The following BCAT2 variants were observed in gnomAD, a reference collection of about 807,000 sequenced individuals.
The protein encoded by BCAT2 is branched chain amino acid transaminase 2.
BCAT2 carries 44 observed loss-of-function variants against 52.9 expected under a neutral mutation model. That is an observed-to-expected ratio of 0.83 (90% CI 0.65 to 1.07). BCAT2 has a LOEUF of 1.07. BCAT2 is among the 50% of genes least tolerant of loss of function. The pLI is 0.00. For missense variants in BCAT2, 478 were observed against 521.8 expected, an observed-to-expected ratio of 0.92 and a Z score of 0.82; for synonymous variants, 215 against 217.1, an observed-to-expected ratio of 0.99 and a Z score of 0.08.
Position 48,807,869 on chromosome 19 carries a change from C to T in BCAT2, c.25-795G>A, listed in dbSNP as rs1370961076. On this transcript the variant is annotated intron_variant, in intron 1 of 10. Coordinates refer to ENST00000316273, the MANE Select transcript of BCAT2 (RefSeq NM_001190.4). The surrounding 1 kb of genome is among the most constrained non-coding windows in gnomAD (Gnocchi z 4.6). ...CAGTCCTCACTGCATGAGGCTCAGG[C>T]GGGTCCTCCCAGAGGGGAGTAGGAA... 1.6e-5 allele frequency: 16 copies of T among 985,640 alleles called. No individual in the cohort carries two copies. Among genetic ancestry groups the T allele is most frequent in the Non-Finnish European group, 1.8e-5 (15 of 830,038 alleles). The allele number at this position is 985,640 out of a possible 1,614,324, so 61.1% of individuals were successfully genotyped here.
intron 1 of BCAT2, chr19:48,810,711 T>A: frequency 1.6e-3 from 863 of 536,580 alleles, no homozygotes; most frequent in Middle Eastern, 2.3e-3. Context: ...GCCTCCCTCA[T>A]TACAGGGTCC....
intron 9 of BCAT2, 35 bp downstream of exon 9, chr19:48,796,543 C>T: frequency 6.2e-7 from 1 of 1,610,364 alleles, no homozygotes; most frequent in Non-Finnish European, 8.5e-7. Context: ...CCCTCCCCTC[C>T]TTCCCTCCCA....
chr19:48,797,361 G>A (rs1388749942), intron 6 of BCAT2, 28 bp from the exon 7 acceptor site: 1 of 1,612,884 alleles, frequency 6.2e-7, no homozygotes, highest in Non-Finnish European at 8.5e-7. Flanking sequence ...GGTTGGGTGG[G>A]GCAAGGGAGC....
At chr19:48,808,468 A>G (rs1216603140) in intron 1 of BCAT2, among the ~76,000 whole-genome samples, 1 of 152,070 alleles carries the variant, frequency 6.6e-6, no homozygotes, top group East Asian at 1.9e-4. Context: ...ATCTAATCAT[A>G]GAAAGAGGCC....
intron 3 of BCAT2, among the ~76,000 whole-genome samples, chr19:48,800,781 C>T (rs958096575): frequency 2.0e-5 from 3 of 152,044 alleles, no homozygotes; most frequent in Admixed American, 2.0e-4. Context: ...TGCACTCCAG[C>T]CTGGGACCTA....
In BCAT2 at chr19:48,807,335, CAGAGA is replaced by C; in HGVS notation, c.25-266_25-262del. 1 of 403,372 alleles carries C rather than the reference CAGAGA, an allele frequency of 2.5e-6. No individual in the cohort carries two copies. Among genetic ancestry groups the C allele is most frequent in the Non-Finnish European group, 4.5e-6 (1 of 221,458 alleles). 25.0% of individuals were successfully genotyped at this position (403,372 alleles called of 1,614,324 possible). On this transcript the variant is annotated intron_variant, in intron 1 of 10. Transcript: ENST00000316273. This position sits in a 1 kb window ranked among gnomAD's most constrained non-coding sequence, Gnocchi z 4.6. ...AGTCAAACGCAAGCGCCTCCCACCCCAGAGACCTTTGGTCGCAGCCTGGAGATCAG... is the reference window on the plus strand; with the variant it reads ...AGTCAAACGCAAGCGCCTCCCACCCCCCTTTGGTCGCAGCCTGGAGATCAG...
At chr19:48,810,810 C>T in intron 1 of BCAT2, 174 bp downstream of exon 1, 1 of 1,449,046 alleles carries the variant, frequency 6.9e-7, no homozygotes, top group Non-Finnish European at 9.1e-7. Context: ...CCCCCTCACC[C>T]CATTAAAGCC....
intron 2 of BCAT2, 114 bp downstream of exon 2, chr19:48,806,886 T>C: frequency 7.0e-7 from 1 of 1,426,530 alleles, no homozygotes. Flanking sequence ...TGGCAGGCTG[T>C]TAAGCTACCA....
chr19:48,797,058 T>C (rs1313225078), intron 7 of BCAT2, 36 bp from the exon 8 acceptor site: 1 of 1,611,822 alleles, frequency 6.2e-7, no homozygotes, highest in East Asian at 2.2e-5. Context: ...ATGTTACCTC[T>C]CACCCCCTAG....
rs375836653 is a variant in BCAT2 at position 48,806,982 on chromosome 19, C to T, written c.99+18G>A. 1.7e-5 allele frequency: 28 copies of T among 1,611,734 alleles called. No individual in the cohort carries two copies. The highest frequency in any genetic ancestry group is 1.5e-4 in the South Asian group (14 of 91,014). ...CCCCTCCTCTCTCAGAGCCAAGCAT[C>T]GAGTTCCCTCCTTTCACCTTGAAAC... On this transcript the variant is annotated intron_variant, in intron 2 of 10. Transcript: ENST00000316273.
chr19:48,795,943 C>T (rs565179826), intron 10 of BCAT2: 15 of 258,748 alleles, frequency 5.8e-5, no homozygotes, highest in Admixed American at 5.4e-4. Flanking sequence ...CTTTCTCCGG[C>T]CAAAGGGATA....
At chr19:48,805,192 C>T (rs576715875) in intron 3 of BCAT2, among the ~76,000 whole-genome samples, 36 of 152,198 alleles carry the variant, frequency 2.4e-4, no homozygotes, top group Non-Finnish European at 3.7e-4. Context: ...TGCTTTCAGC[C>T]GCAGCTATAA....
intron 3 of BCAT2, among the ~76,000 whole-genome samples, chr19:48,801,798 G>A (rs2034663403): frequency 6.6e-6 from 1 of 151,932 alleles, no homozygotes; most frequent in African/African-American, 2.4e-5. Flanking sequence ...AACCACGCCC[G>A]GCTAATTTTT....
chr19:48,796,112 G>T (rs1260015357), intron 10 of BCAT2: 3 of 486,270 alleles, frequency 6.2e-6, no homozygotes, highest in African/African-American at 5.9e-5. Context: ...GCACCCAGGG[G>T]CCTCAGAGGC....
At chr19:48,797,558 C>CT (rs935377748) in intron 6 of BCAT2, 5,829 of 505,716 alleles carry the variant, frequency 0.012, no homozygotes, top group South Asian at 0.016. Flanking sequence ...CTTTTCTTTT[C>CT]TTTTTTTTTT....
intron 1 of BCAT2, among the ~76,000 whole-genome samples, chr19:48,809,367 TATC>T (rs1403807451): frequency 6.6e-6 from 1 of 151,634 alleles, no homozygotes; most frequent in African/African-American, 2.4e-5. Context: ...AGCCCAGGAG[TATC>T]ACCATCAAAG....
chr19:48,806,396 T>C (rs1401859364), intron 3 of BCAT2, 121 bp downstream of exon 3: 5 of 1,290,158 alleles, frequency 3.9e-6, no homozygotes, highest in Admixed American at 4.2e-5. Flanking sequence ...AAACAAATGG[T>C]GAATGCACAG....
intron 1 of BCAT2, among the ~76,000 whole-genome samples, chr19:48,809,347 T>C (rs1318410240): frequency 6.6e-6 from 1 of 152,096 alleles, no homozygotes; most frequent in Non-Finnish European, 1.5e-5. Flanking sequence ...ACCTCCATTA[T>C]GTCCCATACA....
chr19:48,803,347 C>A (rs1281579655), intron 3 of BCAT2, among the ~76,000 whole-genome samples: 3 of 151,924 alleles, frequency 2.0e-5, no homozygotes, highest in African/African-American at 4.8e-5. Context: ...AACAAGACCC[C>A]ATCCCTAAAA....
Sources: allele counts gnomAD v4.1 joint callset (sites outside exome capture counted in the v4.1 genomes callset), GRCh38; gene constraint gnomAD v4.1.1; non-coding constraint Gnocchi (gnomAD v3.1); transcripts MANE v1.5; gene names NCBI Gene and HGNC (gene_info 2026-07-23, HGNC 2026-07-21).